Variants in SGSM1 observed in about 807,000 individuals in gnomAD.
SGSM1 encodes small G protein signaling modulator 1, also known as RUN and TBC1 domain containing 2.
Under a neutral mutation model 133.8 loss-of-function variants are expected in SGSM1, and 73 were observed. That is an observed-to-expected ratio of 0.55 (90% CI 0.45 to 0.66). The LOEUF (loss-of-function observed/expected upper bound fraction) is 0.66. Among genes scored for constraint, SGSM1 ranks in the 30% least tolerant of loss-of-function variants. The probability of loss-of-function intolerance (pLI) is 0.00; values close to 1 mark genes in which losing one functional copy is unlikely to be tolerated. For synonymous variants in SGSM1, 563 were observed against 573.0 expected, an observed-to-expected ratio of 0.98 and a Z score of 0.25; for missense variants, 1,213 against 1,448.1, an observed-to-expected ratio of 0.84 and a Z score of 2.64.
intron 4 of SGSM1, 131 bp from the exon 5 acceptor site, chr22:24,850,149 A>G (rs1406211063): frequency 4.3e-6 from 4 of 935,060 alleles, no homozygotes; most frequent in African/African-American, 3.3e-5. Flanking sequence ...GCTAGCGGCA[A>G]TATGGGCTCT....
intron 13 of SGSM1, among the ~76,000 whole-genome samples, chr22:24,878,955 ATC>A (rs1448077426): frequency 6.6e-6 from 1 of 152,216 alleles, no homozygotes; most frequent in Non-Finnish European, 1.5e-5. Context: ...CGAAATAGGA[ATC>A]TCTGTTTCTT....
At position 24,895,238 on chromosome 22, in the gene SGSM1, A is replaced by G; in HGVS notation, c.1969A>G (p.Ser657Gly). 1.9e-6 allele frequency: 3 copies of G among 1,611,330 alleles called. No individual in the cohort carries two copies. The highest frequency in any genetic ancestry group is 2.5e-6 in the Non-Finnish European group (3 of 1,179,016). ...CTTTTCTCAGTCCTCCCAGAGCTGC[A>G]GTTCGGGCCGCCAGAACATCCGCCT... ...TISNESSQSC[S>G]SGRQNIRLHS... The change falls in exon 18 of 25, where the codon AGT becomes GGT. Residue 657 changes from serine to glycine, a missense_variant. Physicochemically the swap from Ser to Gly is moderately conservative, Grantham distance 56 (BLOSUM62 0). Coordinates refer to ENST00000400358, the MANE Select transcript of SGSM1 (RefSeq NM_001098497.3).
At chr22:24,899,039 A>G (rs1242404374) in intron 19 of SGSM1, among the ~76,000 whole-genome samples, 1 of 147,614 alleles carries the variant, frequency 6.8e-6, no homozygotes, top group Non-Finnish European at 1.5e-5. Flanking sequence ...AAAAAAAAAA[A>G]AAAAAAAACG....
intron 10 of SGSM1, 102 bp downstream of exon 10, chr22:24,867,262 G>A (rs1931512695): frequency 8.9e-7 from 1 of 1,119,670 alleles, no homozygotes; most frequent in Non-Finnish European, 1.3e-6. Context: ...ATGATATGGT[G>A]GACACCCCAT....
intron 4 of SGSM1, among the ~76,000 whole-genome samples, chr22:24,848,669 C>T (rs1930285862): frequency 6.6e-6 from 1 of 152,236 alleles, no homozygotes. Context: ...GGTGGCTTCC[C>T]AGAGGAATGT....
chr22:24,891,358 T>TA (rs1601961520), intron 16 of SGSM1, among the ~76,000 whole-genome samples: 1 of 152,078 alleles, frequency 6.6e-6, no homozygotes, highest in African/African-American at 2.4e-5. Flanking sequence ...AGACCCTGTC[T>TA]AAAAAAATAT....
At chr22:24,868,571 G>T (rs1397097888) in intron 11 of SGSM1, 32 bp downstream of exon 11, 3 of 1,613,160 alleles carry the variant, frequency 1.9e-6, no homozygotes, top group Non-Finnish European at 2.5e-6. Flanking sequence ...GGGAGGCTGG[G>T]GTGGAGGCTG....
intron 2 of SGSM1, among the ~76,000 whole-genome samples, chr22:24,839,932 CTTT>C (rs758631851): frequency 0.017 from 1,772 of 106,436 alleles, 19 homozygotes; most frequent in African/African-American, 0.044. Flanking sequence ...AACCATCTCT[CTTT>C]TTTTTTTTTT....
chr22:24,923,199 C>G (rs551063319), intron 24 of SGSM1, among the ~76,000 whole-genome samples: 6 of 152,140 alleles, frequency 3.9e-5, no homozygotes, highest in Non-Finnish European at 8.8e-5. Flanking sequence ...TGAACTCACT[C>G]CAGCTAACAG....
chr22:24,865,281 G>C (rs918777469), intron 9 of SGSM1, among the ~76,000 whole-genome samples: 1 of 152,212 alleles, frequency 6.6e-6, no homozygotes, highest in Non-Finnish European at 1.5e-5. Flanking sequence ...GAGGACAGGT[G>C]GTTGCAACCC....
chr22:24,878,091 A>G (rs1285466325), intron 13 of SGSM1, among the ~76,000 whole-genome samples: 5 of 152,012 alleles, frequency 3.3e-5, no homozygotes, highest in Non-Finnish European at 7.4e-5. Context: ...GATTACAGGC[A>G]TGAGCCACCG....
intron 2 of SGSM1, among the ~76,000 whole-genome samples, chr22:24,823,261 C>T (rs1480924233): frequency 6.6e-6 from 1 of 152,054 alleles, no homozygotes; most frequent in African/African-American, 2.4e-5. Flanking sequence ...CTGGCTATGA[C>T]GACTTAAGAC....
At chr22:24,895,602 G>A (rs1239136314) in intron 18 of SGSM1, among the ~76,000 whole-genome samples, 2 of 152,000 alleles carry the variant, frequency 1.3e-5, no homozygotes, top group African/African-American at 2.4e-5. Flanking sequence ...AAAACCTTCT[G>A]TATGCATATA....
intron 20 of SGSM1, among the ~76,000 whole-genome samples, chr22:24,904,276 A>G (rs1394490142): frequency 6.6e-6 from 1 of 152,096 alleles, no homozygotes; most frequent in Non-Finnish European, 1.5e-5. Flanking sequence ...TCACATGACT[A>G]TTTTGAAAAT....
Position 24,898,454 on chromosome 22 carries a change from G to C in SGSM1, c.2505G>C (p.Ser835=), listed in dbSNP as rs367734596. 6.2e-7 allele frequency: 1 copy of C among 1,613,872 alleles called. No individual in the cohort carries two copies. The highest frequency in any genetic ancestry group is 8.5e-7 in the Non-Finnish European group (1 of 1,179,888). The change falls in exon 19 of 25, where the codon TCG becomes TCC. Residue 835 remains serine (S), a synonymous_variant. Coordinates refer to ENST00000400358, the MANE Select transcript of SGSM1 (RefSeq NM_001098497.3). ...HGQADSEDNL[S]EEPEMESLFP... The stretch of plus-strand genomic sequence containing the variant: ...AGGCGGACAGTGAGGACAACCTCTC[G>C]GAGGAGCCTGAGATGGAAAGTCTCT...
At chr22:24,921,148 G>A (rs1178452028) in intron 24 of SGSM1, among the ~76,000 whole-genome samples, 1 of 150,726 alleles carries the variant, frequency 6.6e-6, no homozygotes, top group African/African-American at 2.4e-5. Flanking sequence ...TACCCGCGCT[G>A]GAGTGAAGTG....
rs544872388 is a variant in SGSM1, at chr22:24,868,932, G to A, written c.1291+77G>A. Reference sequence around the variant, plus strand: ...AAATGACTCCAGGTGTTTGAAACTAGAAGATGACAGGTCTGGATTCTGGGG... The same window carrying A: ...AAATGACTCCAGGTGTTTGAAACTAAAAGATGACAGGTCTGGATTCTGGGG... On this transcript the variant is annotated intron_variant, in intron 12 of 24. Transcript: ENST00000400358. 4.8e-5 allele frequency: 75 copies of A among 1,558,512 alleles called. No individual in the cohort carries two copies. In the East Asian group the frequency reaches 1.5e-3, roughly 32 times the overall value.
chr22:24,855,747 C>G, intron 8 of SGSM1, 67 bp downstream of exon 8: 1 of 1,611,970 alleles, frequency 6.2e-7, no homozygotes, highest in African/African-American at 1.3e-5. Flanking sequence ...AGGAAAAGGT[C>G]TCTCTGGCTC....
At chr22:24,918,061 A>G (rs1014111037) in intron 23 of SGSM1, among the ~76,000 whole-genome samples, 1 of 152,136 alleles carries the variant, frequency 6.6e-6, no homozygotes, top group Non-Finnish European at 1.5e-5. Context: ...CATCTCTTTC[A>G]TTCTGCTGTG....
Sources: allele counts gnomAD v4.1 joint callset (sites outside exome capture counted in the v4.1 genomes callset), GRCh38; gene constraint gnomAD v4.1.1; transcripts MANE v1.5; gene names NCBI Gene and HGNC (gene_info 2026-07-23, HGNC 2026-07-21).